The following ABCB5 variants were observed in gnomAD, a reference collection of about 807,000 sequenced individuals.
The protein encoded by ABCB5 is ATP-binding cassette sub-family B member 5.
Under a neutral mutation model 144.2 loss-of-function variants are expected in ABCB5, and 155 were observed. That is an observed-to-expected ratio of 1.08 (90% CI 0.94 to 1.23). ABCB5 has a LOEUF of 1.23. Ranked by LOEUF, ABCB5 falls within the 50% of genes most tolerant of loss-of-function variation. ABCB5 has a pLI of 0.00. For missense variants in ABCB5, 1,830 were observed against 1,520.8 expected (o/e 1.20, Z -3.38); for synonymous variants, 610 against 528.6 (o/e 1.15, Z -2.11).
intron 14 of ABCB5, chr7:20,667,278 A>T (rs12540337): frequency 0.88 from 862,408 of 983,020 alleles, 378,773 homozygotes; most frequent in East Asian, 1. Context: ...GACACAGATG[A>T]AATGCTTGAT....
intron 20 of ABCB5, among the ~76,000 whole-genome samples, chr7:20,720,551 A>T (rs1781826693): frequency 1.1e-5 from 1 of 89,752 alleles, no homozygotes; most frequent in Admixed American, 1.1e-4. Flanking sequence ...GCATAATTTG[A>T]ATCTAATTGT....
intron 14 of ABCB5, chr7:20,659,539 C>G (rs1784929918): frequency 1.0e-6 from 1 of 1,004,074 alleles, no homozygotes; most frequent in Non-Finnish European, 1.2e-6. Context: ...TCAGATTGTG[C>G]AAGTTTGAAC....
At chr7:20,678,633 CAAAAACAAAAA>C (rs1389834121) in intron 14 of ABCB5, among the ~76,000 whole-genome samples, 5 of 141,526 alleles carry the variant, frequency 3.5e-5, no homozygotes, top group African/African-American at 1.4e-4. Flanking sequence ...AAAACAAAAA[CAAAAACAAAAA>C]AAAACACATT....
chr7:20,625,379 C>A (rs1404607561), intron 2 of ABCB5, among the ~76,000 whole-genome samples: 3 of 151,588 alleles, frequency 2.0e-5, no homozygotes, highest in Non-Finnish European at 4.4e-5. Context: ...GAATTTTGCG[C>A]GTGCATGTGT....
At chr7:20,642,117 T>C (rs1784307772) in intron 5 of ABCB5, among the ~76,000 whole-genome samples, 1 of 152,200 alleles carries the variant, frequency 6.6e-6, no homozygotes, top group Non-Finnish European at 1.5e-5. Flanking sequence ...GAGTGGTCTT[T>C]TAAAAAGTTG....
At position 20,616,742 on chromosome 7, in the gene ABCB5, A is replaced by T. The variant is rs188520603; in HGVS notation, c.-22+905A>T. On this transcript the variant is annotated intron_variant, in intron 1 of 27. Transcript: ENST00000404938. ...TCTCACAAATATCTCAAACTTGACA[A>T]GTTTCAAGTTAAATTTATCTTCCTT... 3.0e-3 allele frequency among the ~76,000 whole-genome samples: 461 copies of T among 152,278 alleles called. 11 individuals are homozygous for T. Among genetic ancestry groups the T allele is most frequent in the Admixed American group, 0.028 (424 of 15,296 alleles).
At chr7:20,713,444 C>T (rs899957972) in intron 20 of ABCB5, among the ~76,000 whole-genome samples, 4 of 149,092 alleles carry the variant, frequency 2.7e-5, no homozygotes, top group Non-Finnish European at 6.0e-5. Flanking sequence ...CTGTGTTGTC[C>T]AGGCTGGTCT....
intron 13 of ABCB5, among the ~76,000 whole-genome samples, chr7:20,655,798 C>A (rs7796207): frequency 1.7e-4 from 26 of 152,132 alleles, no homozygotes; most frequent in Middle Eastern, 3.4e-3. Context: ...TGTGTAGAAA[C>A]TGACATGTTG....
chr7:20,718,094 A>G (rs2128048247), intron 20 of ABCB5, among the ~76,000 whole-genome samples: 1 of 148,596 alleles, frequency 6.7e-6, no homozygotes, highest in Middle Eastern at 3.4e-3. Context: ...TTTTTTTAGT[A>G]GAGACGGGGT....
At chr7:20,722,634 A>T (rs1269338622) in intron 20 of ABCB5, among the ~76,000 whole-genome samples, 1 of 152,326 alleles carries the variant, frequency 6.6e-6, no homozygotes, top group East Asian at 1.9e-4. Context: ...AGCTTGGCCA[A>T]CATGGCGAAA....
At chr7:20,622,400 A>G (rs892961967) in intron 1 of ABCB5, among the ~76,000 whole-genome samples, 1 of 152,122 alleles carries the variant, frequency 6.6e-6, no homozygotes, top group African/African-American at 2.4e-5. Context: ...AGATGGCTGT[A>G]TTTGTATTAT....
Position 20,643,214 on chromosome 7 carries a change from T to C in ABCB5, c.345T>C (p.Val115=). The C allele has an allele frequency of 6.2e-7, 1 of 1,613,036 alleles. No homozygotes were observed. Among genetic ancestry groups the C allele is most frequent in the South Asian group, 1.1e-5 (1 of 90,900 alleles). The change falls in exon 6 of 28, where the codon GTT becomes GTC. Residue 115 remains valine (V), a synonymous_variant. Coordinates refer to ENST00000404938, the MANE Select transcript of ABCB5 (RefSeq NM_001163941.2). ...LLTLYYVGIG[V]AALIFGYIQI... is the part of the protein sequence containing the mutation. The stretch of plus-strand genomic sequence containing the variant: ...CCCTGTATTATGTTGGAATAGGTGT[T>C]GCTGCCTTGATTTTTGGTTACATAC...
chr7:20,664,078 G>C (rs1264291811), intron 14 of ABCB5, among the ~76,000 whole-genome samples: 1 of 151,396 alleles, frequency 6.6e-6, no homozygotes, highest in Admixed American at 6.6e-5. Context: ...CTAAGCCTGA[G>C]TACAAAAGAA....
intron 5 of ABCB5, among the ~76,000 whole-genome samples, chr7:20,636,272 T>G (rs995063508): frequency 6.6e-6 from 1 of 152,132 alleles, no homozygotes; most frequent in Non-Finnish European, 1.5e-5. Context: ...AGGGCTCTGA[T>G]GTACAGTCAC....
intron 14 of ABCB5, among the ~76,000 whole-genome samples, chr7:20,662,980 C>A (rs1025454788): frequency 8.5e-5 from 13 of 152,308 alleles, no homozygotes; most frequent in African/African-American, 3.1e-4. Flanking sequence ...AACAGCTAAT[C>A]CTCACAAGAT....
At chr7:20,678,193 A>G (rs1176704448) in intron 14 of ABCB5, among the ~76,000 whole-genome samples, 1 of 152,210 alleles carries the variant, frequency 6.6e-6, no homozygotes, top group Non-Finnish European at 1.5e-5. Flanking sequence ...AATAGGATAC[A>G]TATTTTTCCT....
At chr7:20,674,025 T>G (rs1785530505) in intron 14 of ABCB5, among the ~76,000 whole-genome samples, 1 of 151,980 alleles carries the variant, frequency 6.6e-6, no homozygotes, top group Admixed American at 6.5e-5. Flanking sequence ...ATGTGTAGTA[T>G]AAAAGCATGA....
rs1450596950 is a variant in ABCB5, at chr7:20,658,521, G to A, written c.1552G>A (p.Val518Ile). The change falls in exon 14 of 28, where the codon GTA becomes ATA. Residue 518 changes from valine (V) to isoleucine (I), a missense_variant. Transcript: ENST00000404938. ...TTTTCATTAGAAATTTAATACATTG[G>A]TAGGGGAAAAAGGAGCTCAAATGAG... Reference protein sequence around the residue: ...MEFPNKFNTLVGEKGAQMSGG... With the variant: ...MEFPNKFNTLIGEKGAQMSGG... 1.2e-6 allele frequency: 2 copies of A among 1,613,590 alleles called. No homozygotes were observed. The highest frequency in any genetic ancestry group is 4.5e-5 in the East Asian group (2 of 44,872).
intron 14 of ABCB5, among the ~76,000 whole-genome samples, chr7:20,669,074 G>T (rs1785356226): frequency 6.6e-6 from 1 of 150,750 alleles, no homozygotes; most frequent in Non-Finnish European, 1.5e-5. Flanking sequence ...CCCTCTGCCT[G>T]GCCAGCCGCC....
Sources: gnomAD v4.1 joint callset for allele counts (sites outside exome capture counted in the v4.1 genomes callset) on GRCh38, gnomAD v4.1.1 for gene constraint, MANE v1.5 for transcripts, NCBI Gene and HGNC (gene_info 2026-07-23, HGNC 2026-07-21) for gene names.